RBFOX1: variants seen among roughly 807,000 people sequenced by gnomAD.
RBFOX1 encodes RNA binding protein fox-1 homolog 1.
A neutral mutation model predicts 57.7 loss-of-function variants in RBFOX1; 8 were observed. The observed-to-expected ratio is 0.14, with a 90% CI of 0.08 to 0.25. The LOEUF (loss-of-function observed/expected upper bound fraction) is 0.25, where lower values mean the gene tolerates loss of function less well. Ranked by LOEUF, RBFOX1 falls within the 10% of genes least tolerant of loss-of-function variation. RBFOX1 has a pLI of 1.00. For missense variants in RBFOX1, 611 were observed against 548.5 expected (o/e 1.11, Z -1.14); for synonymous variants, 326 against 222.4 (o/e 1.47, Z -4.15).
chr16:5,900,552 G>A (rs17138808), intron 4 of RBFOX1, among the ~76,000 whole-genome samples: 8,382 of 152,168 alleles, frequency 0.055, 749 homozygotes, highest in African/African-American at 0.19. Flanking sequence ...GTCTGGACCC[G>A]TTCATCGCAA....
chr16:5,659,166 T>C lies in RBFOX1; in HGVS notation c.318+60205T>C, dbSNP rs549554668. Among the ~76,000 whole-genome samples, 9 of 152,200 alleles carry C rather than the reference T, an allele frequency of 5.9e-5. No individual in the cohort carries two copies. In the South Asian group the frequency reaches 1.9e-3, roughly 32 times the overall value. On this transcript the variant is annotated intron_variant, in intron 3 of 19. Coordinates refer to the RBFOX1 transcript ENST00000641259. ...CCTGTTCACCGCATCCATGCCAACATCTACTGTTTTTTGATTTTTTTGATT... is the reference window on the plus strand; with the variant it reads ...CCTGTTCACCGCATCCATGCCAACACCTACTGTTTTTTGATTTTTTTGATT...
intron 4 of RBFOX1, among the ~76,000 whole-genome samples, chr16:7,067,644 C>G (rs1361822257): frequency 2.0e-5 from 3 of 151,454 alleles, no homozygotes; most frequent in Non-Finnish European, 4.4e-5. Flanking sequence ...ATTAACTCAT[C>G]ATTTAGCATT....
chr16:5,423,909 A>G (rs2067432740), intron 1 of RBFOX1, among the ~76,000 whole-genome samples: 1 of 152,198 alleles, frequency 6.6e-6, no homozygotes, highest in South Asian at 2.1e-4. Context: ...AGTTTAGAAA[A>G]TAAAATGCAT....
chr16:6,241,100 C>T (rs1239956396), intron 1 of RBFOX1, among the ~76,000 whole-genome samples: 1 of 152,188 alleles, frequency 6.6e-6, no homozygotes, highest in Non-Finnish European at 1.5e-5. Flanking sequence ...GGAAATAAAA[C>T]CCAATCTCAA....
rs1023954208 is a variant in RBFOX1, at chr16:6,048,098, G to A, written c.-127+28106G>A. On this transcript the variant is annotated intron_variant, in intron 1 of 15. Transcript: ENST00000550418. Reference sequence around the variant, plus strand: ...CATTTGTGTTATGTTTAATATGTGCGCAGCATTTTACGGTAAAATTGCCAT... The same window carrying A: ...CATTTGTGTTATGTTTAATATGTGCACAGCATTTTACGGTAAAATTGCCAT... 1.4e-4 allele frequency among the ~76,000 whole-genome samples: 21 copies of A among 152,122 alleles called. No homozygotes were observed. In the South Asian group the frequency reaches 1.7e-3, roughly 12 times the overall value.
At chr16:5,762,344 A>T (rs1484622529) in intron 3 of RBFOX1, among the ~76,000 whole-genome samples, 1 of 65,342 alleles carries the variant, frequency 1.5e-5, no homozygotes, top group Non-Finnish European at 2.6e-5. Flanking sequence ...TAAGGCAGAA[A>T]ACGAACAAAA....
At chr16:6,835,601 A>T (rs990212762) in intron 3 of RBFOX1, among the ~76,000 whole-genome samples, 2 of 151,894 alleles carry the variant, frequency 1.3e-5, no homozygotes, top group African/African-American at 4.8e-5. Context: ...AAAATAAAAA[A>T]AAGTAGCTGG....
chr16:5,330,680 C>T (rs1225526806), intron 1 of RBFOX1, among the ~76,000 whole-genome samples: 2 of 151,162 alleles, frequency 1.3e-5, no homozygotes, highest in Non-Finnish European at 2.9e-5. Context: ...GCTGGGATTA[C>T]AGGTGTGAGC....
chr16:7,202,985 A>G (rs1056501747), intron 4 of RBFOX1, among the ~76,000 whole-genome samples: 1 of 152,080 alleles, frequency 6.6e-6, no homozygotes, highest in South Asian at 2.1e-4. Context: ...ATGGGATTTC[A>G]CCGTGTGAGC....
chr16:6,604,468 G>C (rs936426123), intron 2 of RBFOX1, among the ~76,000 whole-genome samples: 1 of 152,038 alleles, frequency 6.6e-6, no homozygotes, highest in Non-Finnish European at 1.5e-5. Flanking sequence ...ATATAAGAAA[G>C]TATCTGTAAT....
chr16:6,082,898 C>A (rs914893967), intron 1 of RBFOX1, among the ~76,000 whole-genome samples: 24 of 152,260 alleles, frequency 1.6e-4, no homozygotes, highest in African/African-American at 5.5e-4. Context: ...CGGAGCCTAG[C>A]CCATAGCACC....
chr16:5,471,346 T>C lies in RBFOX1; in HGVS notation c.258+4092T>C, dbSNP rs572643605. 7.2e-5 allele frequency among the ~76,000 whole-genome samples: 11 copies of C among 152,324 alleles called. No homozygotes were observed. In the South Asian group the frequency reaches 2.3e-3, roughly 32 times the overall value. Reference sequence around the variant, plus strand: ...CTAGTCTCTACAGTTGAGATGTTTTTTAACTGGCCTTGCATTTCTGCCTTT... The same window carrying C: ...CTAGTCTCTACAGTTGAGATGTTTTCTAACTGGCCTTGCATTTCTGCCTTT... On this transcript the variant is annotated intron_variant, in intron 2 of 2. Transcript: ENST00000585867.
chr16:7,575,664 A>G lies in RBFOX1; in HGVS notation c.271-4113A>G, dbSNP rs183671804. 3.1e-3 allele frequency among the ~76,000 whole-genome samples: 475 copies of G among 152,228 alleles called. 5 individuals are homozygous for G. Among genetic ancestry groups the G allele is most frequent in the South Asian group, 9.3e-3 (45 of 4,824 alleles). On this transcript the variant is annotated intron_variant, in intron 5 of 15. Transcript: ENST00000550418. Reference sequence around the variant, plus strand: ...TTTTAGATTTCTGTCCTCTACAACTACAGGAGAATGAAGTCCAGTGGCTTT... The same window carrying G: ...TTTTAGATTTCTGTCCTCTACAACTGCAGGAGAATGAAGTCCAGTGGCTTT...
At position 7,205,235 on chromosome 16, in the gene RBFOX1, G is replaced by T. The variant is rs530934226; in HGVS notation, c.27+153137G>T. On this transcript the variant is annotated intron_variant, in intron 4 of 15. Transcript: ENST00000550418. ...CAGTTGAGTGAAAATGTATGGAAAT[G>T]GGCGGGGCGTGGCGGCTCACACCTG... Among the ~76,000 whole-genome samples, 3 of 152,142 alleles carry T rather than the reference G, an allele frequency of 2.0e-5. No individual in the cohort carries two copies. The South Asian group carries it at 6.2e-4, about 32-fold the overall frequency.
chr16:6,952,371 G>A (rs908127860), intron 3 of RBFOX1, among the ~76,000 whole-genome samples: 1 of 152,166 alleles, frequency 6.6e-6, no homozygotes, highest in Non-Finnish European at 1.5e-5. Context: ...AACTTGTTGG[G>A]CATGGTGGTT....
At chr16:5,550,010 T>A (rs2045394306) in intron 2 of RBFOX1, among the ~76,000 whole-genome samples, 1 of 152,240 alleles carries the variant, frequency 6.6e-6, no homozygotes, top group South Asian at 2.1e-4. Flanking sequence ...TCAGCCCAGC[T>A]GGTTACAGCT....
At chr16:7,398,805 C>T (rs994575070) in intron 4 of RBFOX1, among the ~76,000 whole-genome samples, 3 of 152,146 alleles carry the variant, frequency 2.0e-5, no homozygotes, top group Admixed American at 6.5e-5. Context: ...GGGTTAGACT[C>T]CCTGGAGGGA....
intron 3 of RBFOX1, among the ~76,000 whole-genome samples, chr16:7,016,474 A>G (rs1445703859): frequency 6.6e-6 from 1 of 152,180 alleles, no homozygotes; most frequent in African/African-American, 2.4e-5. Context: ...ACGTAACCTA[A>G]GTCACTGAAC....
intron 4 of RBFOX1, among the ~76,000 whole-genome samples, chr16:7,145,148 G>T (rs192050625): frequency 6.6e-6 from 1 of 152,256 alleles, no homozygotes; most frequent in Non-Finnish European, 1.5e-5. Flanking sequence ...CTGCAAGCAG[G>T]GGGTACCATC....
Sources: allele counts gnomAD v4.1 joint callset (sites outside exome capture counted in the v4.1 genomes callset), GRCh38; gene constraint gnomAD v4.1.1; transcripts MANE v1.5; gene names NCBI Gene and HGNC (gene_info 2026-07-23, HGNC 2026-07-21).